The following PNISR variants were observed in gnomAD, a reference collection of about 807,000 sequenced individuals.
The protein encoded by PNISR is arginine/serine-rich protein PNISR.
PNISR carries 20 observed loss-of-function variants against 93.4 expected under a neutral mutation model. The ratio of observed to expected loss-of-function variants is 0.21; its 90% confidence interval spans 0.15 to 0.31. The LOEUF is 0.31. Ranked by LOEUF, PNISR falls within the 10% of genes least tolerant of loss-of-function variation. The pLI is 1.00. For missense variants in PNISR, 893 were observed against 985.4 expected, an observed-to-expected ratio of 0.91 and a Z score of 1.25; for synonymous variants, 305 against 306.5, an observed-to-expected ratio of 0.99 and a Z score of 0.05.
intron 8 of PNISR, among the ~76,000 whole-genome samples, chr6:99,405,527 G>A (rs186907850): frequency 5.4e-4 from 82 of 152,120 alleles, no homozygotes; most frequent in African/African-American, 1.8e-3. Flanking sequence ...TATTATAAAT[G>A]TATCTGTATA....
At position 99,407,965 on chromosome 6, in the gene PNISR, C is replaced by T. The variant is rs571649436; in HGVS notation, c.864+116G>A. 51 of 702,498 alleles carry T rather than the reference C, an allele frequency of 7.3e-5. No individual in the cohort carries two copies. The Admixed American group carries it at 7.3e-4, about 10-fold the overall frequency. The allele number at this position is 702,498 out of a possible 1,614,324, so 43.5% of individuals were successfully genotyped here. Reference sequence around the variant, plus strand: ...CAGAATCCTCAATATACTTAATGAACGTAATCTTAGGAACATCACTCTAAT... The same window carrying T: ...CAGAATCCTCAATATACTTAATGAATGTAATCTTAGGAACATCACTCTAAT... On this transcript the variant is annotated intron_variant, in intron 7 of 11. Transcript: ENST00000369239.
chr6:99,411,170 C>T (rs1340170469), intron 4 of PNISR, among the ~76,000 whole-genome samples: 1 of 152,204 alleles, frequency 6.6e-6, no homozygotes, highest in Non-Finnish European at 1.5e-5. Context: ...TAACTCCACT[C>T]TAATTCATAT....
chr6:99,400,682 C>T lies in PNISR; in HGVS notation c.2276G>A (p.Arg759Lys), dbSNP rs760220126. The T allele has an allele frequency of 1.3e-5, 21 of 1,613,882 alleles. No individual in the cohort carries two copies. The highest frequency in any genetic ancestry group is 1.4e-5 in the Non-Finnish European group (17 of 1,179,948). Residue 759 changes from arginine to lysine, a missense_variant, in exon 12 of 12, where the codon AGG (arginine) becomes AAG (lysine). Transcript: ENST00000369239. Reference sequence around the variant, plus strand: ...ACTTCCTGGAGACTCAGAACTGCTCCTTCCACTAGAATCAGAGCCTGAATG... The same window carrying T: ...ACTTCCTGGAGACTCAGAACTGCTCTTTCCACTAGAATCAGAGCCTGAATG... ...KKHSGSDSSG[R>K]SSSESPGSSK...
chr6:99,401,714 C>G (rs1775522273), intron 11 of PNISR, 84 bp from the exon 12 acceptor site: 1 of 1,006,524 alleles, frequency 9.9e-7, no homozygotes, highest in Non-Finnish European at 1.4e-6. Context: ...CAGACTGTAA[C>G]AATAGAACAC....
At chr6:99,411,935 G>A (rs1327183257) in intron 4 of PNISR, 1 of 205,702 alleles carries the variant, frequency 4.9e-6, no homozygotes, top group East Asian at 1.1e-4. Flanking sequence ...ATACCCAAAT[G>A]AGAGGCTGAT....
At chr6:99,424,929 G>A in intron 1 of PNISR, 2 of 282,520 alleles carry the variant, frequency 7.1e-6, no homozygotes, top group Admixed American at 5.2e-5. Context: ...AGTGTTTAAC[G>A]GCCGGTCAGG....
At chr6:99,403,364 A>G (rs1775758898) in intron 10 of PNISR, 1 of 152,382 alleles carries the variant, frequency 6.6e-6, no homozygotes, top group African/African-American at 2.4e-5. Flanking sequence ...TACTATGATA[A>G]GATAAACCCT....
In PNISR at chr6:99,403,887, G is replaced by C; in HGVS notation, c.1103-5C>G. ...GTGCCAGCTGTTTTGCAGGAGCTTT[G>C]TATCACATCAACAACAGGAACAACA... On this transcript the variant is annotated splice_polypyrimidine_tract_variant and splice_region_variant and intron_variant, in intron 9 of 11. Coordinates refer to ENST00000369239, the MANE Select transcript of PNISR (RefSeq NM_032870.4). 6.2e-7 allele frequency: 1 copy of C among 1,610,340 alleles called. No individual in the cohort carries two copies. The highest frequency in any genetic ancestry group is 8.5e-7 in the Non-Finnish European group (1 of 1,177,000).
intron 2 of PNISR, chr6:99,415,222 ATATCACCCCTACAGAT>A (rs1260609574): frequency 6.6e-6 from 1 of 152,244 alleles, no homozygotes; most frequent in Non-Finnish European, 1.5e-5. Context: ...GGTTGCCAAA[ATATCACCCCTACAGAT>A]TATTAGGTGT....
At chr6:99,411,126 T>G (rs921165231) in intron 4 of PNISR, 162 bp from the exon 5 acceptor site, 8 of 606,184 alleles carry the variant, frequency 1.3e-5, no homozygotes, top group Non-Finnish European at 2.3e-5. Flanking sequence ...AAATAAGCAA[T>G]GAACTAAACT....
intron 9 of PNISR, 161 bp from the exon 10 acceptor site, chr6:99,404,043 G>A: frequency 3.5e-6 from 2 of 577,634 alleles, no homozygotes; most frequent in Non-Finnish European, 6.2e-6. Context: ...TATCATGTCT[G>A]GCTTTGAAAT....
rs1378204257 is a variant in PNISR, at chr6:99,400,382, A to C, written c.*158T>G. On this transcript the variant is annotated 3_prime_UTR_variant, in exon 12 of 12. Coordinates refer to ENST00000369239, the MANE Select transcript of PNISR (RefSeq NM_032870.4). ...TTAAATTAAAAATCTGCAATTTTAA[A>C]TAAATAATATTATATAGGATTTCTA... 7.8e-6 allele frequency: 9 copies of C among 1,149,882 alleles called. No homozygotes were observed. Among genetic ancestry groups the C allele is most frequent in the African/African-American group, 1.6e-5 (1 of 62,764 alleles). 71.2% of individuals were successfully genotyped at this position (1,149,882 alleles called of 1,614,324 possible).
At position 99,408,166 on chromosome 6, in the gene PNISR, C is replaced by G; in HGVS notation, c.779G>C (p.Arg260Pro). Residue 260 changes from arginine (R) to proline (P), a missense_variant, in exon 7 of 12, where the codon CGT (arginine) becomes CCT (proline). By Grantham distance (103) the Arg-to-Pro change is moderately radical (BLOSUM62 -2). This residue lies in a region of PNISR where 866 missense variants were observed against 935.1 expected (regional missense o/e 0.93). Transcript: ENST00000369239. ...KLEKERMEQQRSQLSKKEKKA... is the reference protein window; with the variant it reads ...KLEKERMEQQPSQLSKKEKKA... ...TTTTTCTTTTTTGGACAATTGTGAA[C>G]GTTGTTGTTCCATTCTTTCTTTCTC... The G allele has an allele frequency of 5.6e-6, 9 of 1,613,252 alleles. No homozygotes were observed. Among genetic ancestry groups the G allele is most frequent in the Non-Finnish European group, 7.6e-6 (9 of 1,179,484 alleles).
chr6:99,417,704 G>A (rs902864720), intron 1 of PNISR, among the ~76,000 whole-genome samples: 7 of 152,088 alleles, frequency 4.6e-5, no homozygotes, highest in African/African-American at 9.7e-5. Context: ...GGTAGCTCAC[G>A]TGTGTAATCC....
chr6:99,413,251 C>T (rs1047865823), intron 3 of PNISR, among the ~76,000 whole-genome samples: 1 of 152,120 alleles, frequency 6.6e-6, no homozygotes, highest in African/African-American at 2.4e-5. Flanking sequence ...TTAAATAAGG[C>T]TCCCTTCTCT....
chr6:99,410,855 C>G lies in PNISR; in HGVS notation c.387G>C (p.Gln129His), dbSNP rs1207183444. Residue 129 changes from glutamine (Q) to histidine (H), a missense_variant, in exon 5 of 12, where the codon CAG (glutamine) becomes CAC (histidine). Gln to His is a conservative substitution (Grantham distance 24). Transcript: ENST00000369239. Reference sequence around the variant, plus strand: ...TGTCAGGGGCAAATTCCCCACTGTCCTGACTGTTGCTGTCTTCAGAAGGAG... The same window carrying G: ...TGTCAGGGGCAAATTCCCCACTGTCGTGACTGTTGCTGTCTTCAGAAGGAG... The part of the protein sequence containing the change: ...IVPPSEDSNS[Q>H]DSGEFAPDNR... The G allele has an allele frequency of 5.0e-6, 8 of 1,614,086 alleles. No individual in the cohort carries two copies. The highest frequency in any genetic ancestry group is 6.8e-6 in the Non-Finnish European group (8 of 1,179,988).
intron 3 of PNISR, among the ~76,000 whole-genome samples, chr6:99,414,200 A>C (rs979543143): frequency 1.3e-5 from 2 of 152,262 alleles, no homozygotes; most frequent in Non-Finnish European, 2.9e-5. Context: ...CACAGCAAAA[A>C]GAAATTTTAA....
chr6:99,406,358 A>G lies in PNISR; in HGVS notation c.865-190T>C, dbSNP rs568035553. On this transcript the variant is annotated intron_variant, in intron 7 of 11. Coordinates refer to ENST00000369239, the MANE Select transcript of PNISR (RefSeq NM_032870.4). Reference sequence around the variant, plus strand: ...AAAAAGTATAACCTGGGAAAAATGTAAGATTACAAGAAGGCTTAGGAAAAT... The same window carrying G: ...AAAAAGTATAACCTGGGAAAAATGTGAGATTACAAGAAGGCTTAGGAAAAT... Among the ~76,000 whole-genome samples, 279 of 152,366 alleles carry G rather than the reference A, an allele frequency of 1.8e-3. 2 individuals are homozygous for G. The highest frequency in any genetic ancestry group is 6.4e-3 in the African/African-American group (267 of 41,582).
At chr6:99,415,228 C>A (rs1434760230) in intron 2 of PNISR, 2 of 152,154 alleles carry the variant, frequency 1.3e-5, no homozygotes, top group African/African-American at 2.4e-5. Context: ...CAAAATATCA[C>A]CCCTACAGAT....
Sources: gnomAD v4.1 joint callset for allele counts (sites outside exome capture counted in the v4.1 genomes callset) on GRCh38, gnomAD v4.1.1 for gene constraint, gnomAD v4.1.1 regional missense constraint, MANE v1.5 for transcripts, NCBI Gene and HGNC (gene_info 2026-07-23, HGNC 2026-07-21) for gene names.